The following NTM variants were observed in gnomAD, a reference collection of about 807,000 sequenced individuals.
NTM encodes neurotrimin.
A neutral mutation model predicts 42.1 loss-of-function variants in NTM; 13 were observed. The ratio of observed to expected loss-of-function variants is 0.31; its 90% CI spans 0.20 to 0.49. The LOEUF is 0.49. Ranked by LOEUF, NTM falls within the 20% of genes least tolerant of loss-of-function variation. NTM has a pLI of 0.99. For synonymous variants in NTM, 187 were observed against 179.2 expected, an observed-to-expected ratio of 1.04 and a Z score of -0.35; for missense variants, 373 against 452.8, an observed-to-expected ratio of 0.82 and a Z score of 1.60.
chr11:132,260,954 G>C lies in NTM; in HGVS notation c.527-46735G>C, dbSNP rs1050324921. On this transcript the variant is annotated intron_variant, in intron 4 of 8. Transcript: ENST00000683400. ...TTCTTTAGGAAAGGGAGACAGAGCC[G>C]TTGGCAGCTCAGATGTGAAATGGGG... is the stretch of plus-strand genomic sequence containing the variant. Among the ~76,000 whole-genome samples the C allele has an allele frequency of 3.9e-5, 6 of 152,264 alleles. No individual in the cohort carries two copies. In the South Asian group the frequency reaches 6.2e-4, roughly 16 times the overall value.
chr11:131,578,185 G>T (rs2512890), intron 1 of NTM, among the ~76,000 whole-genome samples: 2 of 151,924 alleles, frequency 1.3e-5, no homozygotes, highest in Non-Finnish European at 2.9e-5. Flanking sequence ...TCAGGTGATC[G>T]AATCCAGAAA....
intron 1 of NTM, chr11:131,546,765 A>G (rs567458081): frequency 2.3e-4 from 35 of 152,332 alleles, no homozygotes; most frequent in African/African-American, 8.4e-4. Context: ...CCTAGGAGGG[A>G]ATGAGAAATA....
intron 2 of NTM, among the ~76,000 whole-genome samples, chr11:132,008,009 T>C (rs1939380): frequency 0.59 from 89,173 of 151,946 alleles, 27,627 homozygotes; most frequent in East Asian, 0.82. Context: ...AGGTGGGCGT[T>C]GCTTCGATTT....
intron 1 of NTM, among the ~76,000 whole-genome samples, chr11:131,797,702 C>T (rs1565564739): frequency 6.6e-6 from 1 of 152,192 alleles, no homozygotes; most frequent in Non-Finnish European, 1.5e-5. Flanking sequence ...TCTTTTCTCA[C>T]AGATGGATTT....
chr11:131,792,141 T>A (rs1257334411), intron 1 of NTM, among the ~76,000 whole-genome samples: 1 of 152,070 alleles, frequency 6.6e-6, no homozygotes, highest in African/African-American at 2.4e-5. Context: ...CAGTGGAAAA[T>A]GTGTAACCAT....
At chr11:131,774,052 C>A in intron 1 of NTM, 1 of 983,690 alleles carries the variant, frequency 1.0e-6, no homozygotes, top group Non-Finnish European at 1.2e-6. Flanking sequence ...ATTGACTTTG[C>A]CTTCCTCTGT....
At chr11:131,833,324 T>C (rs1263120471) in intron 1 of NTM, among the ~76,000 whole-genome samples, 2 of 152,196 alleles carry the variant, frequency 1.3e-5, no homozygotes, top group African/African-American at 4.8e-5. Flanking sequence ...TATCTAACAA[T>C]TGGCAGACAC....
intron 1 of NTM, among the ~76,000 whole-genome samples, chr11:131,397,894 T>C (rs1944735305): frequency 6.6e-6 from 1 of 152,242 alleles, no homozygotes; most frequent in African/African-American, 2.4e-5. Context: ...TTTGGCCATC[T>C]GTCTGCCCTT....
At chr11:132,105,414 A>G (rs1263453891) in intron 2 of NTM, among the ~76,000 whole-genome samples, 1 of 152,146 alleles carries the variant, frequency 6.6e-6, no homozygotes, top group African/African-American at 2.4e-5. Context: ...TTAAAATTCA[A>G]TGATTGGGAG....
intron 1 of NTM, among the ~76,000 whole-genome samples, chr11:131,511,344 G>T (rs1345082237): frequency 6.6e-6 from 1 of 152,246 alleles, no homozygotes; most frequent in Admixed American, 6.5e-5. Flanking sequence ...GAAGAGTGCA[G>T]CAGTGCCATG....
chr11:131,810,205 C>T (rs2092680511), intron 1 of NTM, among the ~76,000 whole-genome samples: 1 of 152,160 alleles, frequency 6.6e-6, no homozygotes, highest in Non-Finnish European at 1.5e-5. Context: ...CTACCTTTCT[C>T]CTCCACCTCC....
intron 1 of NTM, among the ~76,000 whole-genome samples, chr11:131,429,778 T>C (rs1948501798): frequency 6.6e-6 from 1 of 152,218 alleles, no homozygotes; most frequent in Non-Finnish European, 1.5e-5. Flanking sequence ...TAATTGCATA[T>C]TCAGTAGGAT....
At chr11:131,795,902 T>A in intron 1 of NTM, 2 of 979,152 alleles carry the variant, frequency 2.0e-6, no homozygotes, top group South Asian at 9.5e-5. Flanking sequence ...TGTGGAGGGA[T>A]CACTTTATTG....
At chr11:131,412,016 C>T (rs1178476325) in intron 1 of NTM, among the ~76,000 whole-genome samples, 1 of 152,298 alleles carries the variant, frequency 6.6e-6, no homozygotes, top group Non-Finnish European at 1.5e-5. Context: ...CCTACGTGGA[C>T]CCTTGTCTTG....
At chr11:131,658,488 A>G (rs961862552) in intron 1 of NTM, among the ~76,000 whole-genome samples, 1 of 152,172 alleles carries the variant, frequency 6.6e-6, no homozygotes, top group African/African-American at 2.4e-5. Context: ...ACACGTCACT[A>G]TGCTGATGCC....
intron 1 of NTM, among the ~76,000 whole-genome samples, chr11:131,552,227 A>G (rs1392008398): frequency 6.6e-6 from 1 of 152,192 alleles, no homozygotes; most frequent in African/African-American, 2.4e-5. Context: ...CCCTGCCAAC[A>G]TCGAGTGTTG....
chr11:131,386,608 G>A (rs879648949), intron 1 of NTM, among the ~76,000 whole-genome samples: 2 of 152,248 alleles, frequency 1.3e-5, no homozygotes, highest in Admixed American at 6.5e-5. Flanking sequence ...TTTGCCCTGA[G>A]TATATTGCAG....
intron 1 of NTM, among the ~76,000 whole-genome samples, chr11:131,684,783 C>G (rs1346420168): frequency 2.0e-5 from 3 of 152,194 alleles, no homozygotes; most frequent in Admixed American, 6.5e-5. Context: ...ATGACCCGTG[C>G]AAGATACAGG....
chr11:131,421,848 C>T (rs1292636536), intron 1 of NTM, among the ~76,000 whole-genome samples: 1 of 152,186 alleles, frequency 6.6e-6, no homozygotes, highest in Non-Finnish European at 1.5e-5. Flanking sequence ...TTTTCCTTTT[C>T]CTCGTAACTT....
Sources: gnomAD v4.1 joint callset for allele counts (sites outside exome capture counted in the v4.1 genomes callset) on GRCh38, gnomAD v4.1.1 for gene constraint, MANE v1.5 for transcripts, NCBI Gene and HGNC (gene_info 2026-07-23, HGNC 2026-07-21) for gene names.